Variants in SUCLG2 observed in about 807,000 individuals in gnomAD.
The protein encoded by SUCLG2 is succinate--CoA ligase [GDP-forming] subunit beta, mitochondrial.
In SUCLG2, 42 loss-of-function variants were observed where a neutral mutation model predicts 47.9. The ratio of observed to expected loss-of-function variants is 0.88; its 90% CI spans 0.69 to 1.14. The LOEUF (loss-of-function observed/expected upper bound fraction) is 1.14. Ranked by LOEUF, SUCLG2 falls within the 50% of genes most tolerant of loss-of-function variation. The pLI is 0.00. For synonymous variants in SUCLG2, 195 were observed against 197.3 expected (o/e 0.99, Z 0.10); for missense variants, 571 against 525.9 (o/e 1.09, Z -0.84).
At chr3:67,578,612 G>C (rs953685036) in intron 2 of SUCLG2, among the ~76,000 whole-genome samples, 2 of 152,108 alleles carry the variant, frequency 1.3e-5, no homozygotes, top group Admixed American at 1.3e-4. Context: ...AGGTGACCAC[G>C]GCTGAACCGG....
intron 9 of SUCLG2, among the ~76,000 whole-genome samples, chr3:67,422,886 T>G (rs960572891): frequency 9.9e-5 from 15 of 152,148 alleles, no homozygotes; most frequent in African/African-American, 3.6e-4. Context: ...CTCAGAAGGT[T>G]GTGAGGACAC....
intron 3 of SUCLG2, among the ~76,000 whole-genome samples, chr3:67,528,486 AAG>A (rs1476931332): frequency 3.9e-5 from 6 of 152,230 alleles, no homozygotes; most frequent in African/African-American, 1.4e-4. Context: ...AGTCATAGTA[AAG>A]AGAGAATGCT....
At chr3:67,388,984 TA>T (rs543606876) in intron 10 of SUCLG2, among the ~76,000 whole-genome samples, 122 of 151,878 alleles carry the variant, frequency 8.0e-4, no homozygotes, top group African/African-American at 2.6e-3. Flanking sequence ...GTAACAGAGG[TA>T]AAAACTGAAG....
At chr3:67,534,812 C>T (rs1178749310) in intron 2 of SUCLG2, among the ~76,000 whole-genome samples, 1 of 110,654 alleles carries the variant, frequency 9.0e-6, no homozygotes, top group Non-Finnish European at 1.8e-5. Context: ...GCCCATGTGA[C>T]ATCATTCAAC....
chr3:67,507,255 A>C (rs2107093907), intron 7 of SUCLG2, among the ~76,000 whole-genome samples: 1 of 152,350 alleles, frequency 6.6e-6, no homozygotes, highest in African/African-American at 2.4e-5. Flanking sequence ...GAGCAAGCAC[A>C]GATTTCTATC....
At chr3:67,483,210 C>T (rs985502739) in intron 9 of SUCLG2, among the ~76,000 whole-genome samples, 2 of 151,556 alleles carry the variant, frequency 1.3e-5, no homozygotes, top group South Asian at 2.1e-4. Flanking sequence ...AAAGTTGCTG[C>T]GTAAACTATT....
chr3:67,423,053 G>C (rs1284881429), intron 9 of SUCLG2, among the ~76,000 whole-genome samples: 2 of 152,170 alleles, frequency 1.3e-5, no homozygotes, highest in African/African-American at 2.4e-5. Context: ...GTTAATAGGT[G>C]CAGTGATGTG....
chr3:67,421,049 A>T (rs887552264), intron 9 of SUCLG2, among the ~76,000 whole-genome samples: 1 of 152,190 alleles, frequency 6.6e-6, no homozygotes, highest in Non-Finnish European at 1.5e-5. Context: ...AGGTCATTTC[A>T]TCCTCACAAG....
intron 2 of SUCLG2, among the ~76,000 whole-genome samples, chr3:67,541,093 TAAGG>T (rs1316091260): frequency 6.6e-6 from 1 of 152,056 alleles, no homozygotes; most frequent in Non-Finnish European, 1.5e-5. Flanking sequence ...TCCACGAAGA[TAAGG>T]AAGAACCAGT....
Position 67,375,149 on chromosome 3 carries a change from T to TA in SUCLG2, c.*594dup. On this transcript the variant is annotated 3_prime_UTR_variant, in exon 11 of 11. Transcript: ENST00000307227. The stretch of plus-strand genomic sequence containing the variant: ...CACATGGATGGTATATTAATGCAGA[T>TA]ATTCCATTATTAAATATATTTTGGA... 7 of 985,250 alleles carry TA rather than the reference T, an allele frequency of 7.1e-6. No homozygotes were observed. The highest frequency in any genetic ancestry group is 8.4e-6 in the Non-Finnish European group (7 of 829,402). 61.0% of individuals were successfully genotyped at this position (985,250 alleles called of 1,614,324 possible).
intron 1 of SUCLG2, among the ~76,000 whole-genome samples, chr3:67,654,213 G>A (rs530883355): frequency 1.1e-3 from 169 of 152,364 alleles, no homozygotes; most frequent in African/African-American, 3.7e-3. Context: ...TGCGTCCAGC[G>A]CCTGCTTCAG....
chr3:67,459,338 C>G (rs1159569770), intron 9 of SUCLG2, among the ~76,000 whole-genome samples: 3 of 152,154 alleles, frequency 2.0e-5, no homozygotes, highest in Non-Finnish European at 4.4e-5. Context: ...AAGATTCATG[C>G]TATCACCAAC....
At chr3:67,361,844 G>T (rs1428349841) in intron 10 of SUCLG2, among the ~76,000 whole-genome samples, 1 of 152,150 alleles carries the variant, frequency 6.6e-6, no homozygotes, top group Non-Finnish European at 1.5e-5. Context: ...TCTAGAAAGT[G>T]CTTGCATGTA....
rs7633822 is a variant in SUCLG2, at chr3:67,382,164, T to C, written c.1184-6305A>G. ...ACATATTAGGTGCAACAAATGTTTG[T>C]TGGATACATGAGTTAAGGGATTTAC... On this transcript the variant is annotated intron_variant, in intron 10 of 10. Transcript: ENST00000307227. Among the ~76,000 whole-genome samples, 1,504 of 152,354 alleles carry C rather than the reference T, an allele frequency of 9.9e-3. 20 individuals are homozygous for C. Among genetic ancestry groups the C allele is most frequent in the African/African-American group, 0.029 (1,195 of 41,584 alleles).
At chr3:67,579,538 T>C (rs1335218148) in intron 2 of SUCLG2, among the ~76,000 whole-genome samples, 1 of 152,188 alleles carries the variant, frequency 6.6e-6, no homozygotes, top group Admixed American at 6.5e-5. Flanking sequence ...CAGATGTTAA[T>C]AAGCTTACTG....
intron 1 of SUCLG2, among the ~76,000 whole-genome samples, chr3:67,650,808 G>C (rs1008300764): frequency 4.6e-5 from 7 of 152,108 alleles, no homozygotes; most frequent in Non-Finnish European, 8.8e-5. Flanking sequence ...TCTCCTACAA[G>C]AGAGCTCCAT....
At chr3:67,603,804 C>A (rs1332768894) in intron 2 of SUCLG2, among the ~76,000 whole-genome samples, 1 of 152,172 alleles carries the variant, frequency 6.6e-6, no homozygotes, top group Non-Finnish European at 1.5e-5. Context: ...ATATGAGAGA[C>A]ACAATCCTTC....
intron 4 of SUCLG2, 27 bp downstream of exon 4, chr3:67,528,105 G>A (rs1706303182): frequency 6.3e-7 from 1 of 1,594,926 alleles, no homozygotes. Context: ...CACATATATA[G>A]AAAATGACCC....
chr3:67,410,432 A>G (rs1702909183), intron 9 of SUCLG2, among the ~76,000 whole-genome samples: 1 of 152,200 alleles, frequency 6.6e-6, no homozygotes, highest in African/African-American at 2.4e-5. Flanking sequence ...AAATAGGAAA[A>G]GGAGACAAGG....
Sources: gnomAD v4.1 joint callset for allele counts (sites outside exome capture counted in the v4.1 genomes callset) on GRCh38, gnomAD v4.1.1 for gene constraint, MANE v1.5 for transcripts, NCBI Gene and HGNC (gene_info 2026-07-23, HGNC 2026-07-21) for gene names.